ADCY9: variants seen among roughly 807,000 people sequenced by gnomAD.
ADCY9 encodes the protein adenylate cyclase 9, also known as adenylate cyclase type 9.
A neutral mutation model predicts 101.5 loss-of-function variants in ADCY9; 50 were observed. The observed-to-expected ratio is 0.49, with a 90% CI of 0.39 to 0.62. The LOEUF (loss-of-function observed/expected upper bound fraction) is 0.62, where lower values mean the gene tolerates loss of function less well. ADCY9 is among the 20% of genes least tolerant of loss of function. The pLI, the probability that ADCY9 is intolerant of heterozygous loss-of-function variation, is 0.00. For synonymous variants in ADCY9, 905 were observed against 769.3 expected (o/e 1.18, Z -2.92); for missense variants, 1,662 against 1,800.4 (o/e 0.92, Z 1.39).
At chr16:4,042,170 A>G (rs112302755) in intron 2 of ADCY9, among the ~76,000 whole-genome samples, 4,979 of 151,772 alleles carry the variant, frequency 0.033, 286 homozygotes, top group African/African-American at 0.11. Flanking sequence ...TGATCCATCC[A>G]CCTCAGCCTC....
intron 2 of ADCY9, among the ~76,000 whole-genome samples, chr16:4,110,401 T>TTG (rs2057106570): frequency 6.8e-6 from 1 of 146,410 alleles, no homozygotes. Flanking sequence ...TTTTTTTTTT[T>TTG]TGAGACGCAG....
chr16:4,000,992 CACACACACACACACACAT>C (rs1170898052), intron 3 of ADCY9, among the ~76,000 whole-genome samples: 1 of 149,546 alleles, frequency 6.7e-6, no homozygotes, highest in Admixed American at 6.7e-5. Context: ...CACACACACA[CACACACACACACACACAT>C]ATATAATTTC....
At chr16:3,960,966 G>A (rs2055934313), downstream of ADCY9, among the ~76,000 whole-genome samples, 1 of 151,834 alleles carries the variant, frequency 6.6e-6, no homozygotes, top group Admixed American at 6.6e-5. Context: ...CCCAGTACGC[G>A]GGATCTATTC....
chr16:4,010,128 G>C (rs2056393850), intron 2 of ADCY9, among the ~76,000 whole-genome samples: 1 of 152,226 alleles, frequency 6.6e-6, no homozygotes, highest in African/African-American at 2.4e-5. Flanking sequence ...TGTTGGCTCA[G>C]GGTGCCCCTG....
At chr16:4,033,142 G>C (rs2056567399) in intron 2 of ADCY9, among the ~76,000 whole-genome samples, 2 of 152,130 alleles carry the variant, frequency 1.3e-5, no homozygotes, top group Non-Finnish European at 2.9e-5. Flanking sequence ...CTGCCTTCCA[G>C]GGTAAAAATT....
chr16:4,044,197 A>G (rs575827350), intron 2 of ADCY9, among the ~76,000 whole-genome samples: 3 of 152,028 alleles, frequency 2.0e-5, no homozygotes, highest in African/African-American at 7.2e-5. Context: ...AAATACAAAA[A>G]TTAGCCAGGT....
intron 3 of ADCY9, among the ~76,000 whole-genome samples, chr16:4,003,641 T>C (rs1336726615): frequency 6.7e-6 from 1 of 150,282 alleles, no homozygotes; most frequent in Non-Finnish European, 1.5e-5. Context: ...CACAGCTCAC[T>C]GCAGCCTCTA....
chr16:3,990,862 C>T (rs1420797003), intron 5 of ADCY9, among the ~76,000 whole-genome samples: 1 of 152,214 alleles, frequency 6.6e-6, no homozygotes, highest in Non-Finnish European at 1.5e-5. Flanking sequence ...TGCAGTGCTG[C>T]GATCTCAGCT....
At chr16:4,062,057 G>A (rs1475910811) in intron 2 of ADCY9, among the ~76,000 whole-genome samples, 3 of 152,142 alleles carry the variant, frequency 2.0e-5, no homozygotes, top group Non-Finnish European at 2.9e-5. Flanking sequence ...AGTGGCTCAT[G>A]CCTGTAATCC....
At chr16:4,103,047 T>G (rs1034265264) in intron 2 of ADCY9, among the ~76,000 whole-genome samples, 5 of 152,236 alleles carry the variant, frequency 3.3e-5, no homozygotes, top group African/African-American at 1.2e-4. Flanking sequence ...TCACACACTT[T>G]GAACATGAGC....
At chr16:4,085,085 G>A (rs1358714917) in intron 2 of ADCY9, among the ~76,000 whole-genome samples, 2 of 152,176 alleles carry the variant, frequency 1.3e-5, no homozygotes, top group Non-Finnish European at 1.5e-5. Context: ...CTGGAAGCTG[G>A]ACGCAGTGGC....
intron 2 of ADCY9, among the ~76,000 whole-genome samples, chr16:4,080,787 T>C (rs1016595621): frequency 2.0e-5 from 3 of 151,174 alleles, no homozygotes; most frequent in African/African-American, 4.9e-5. Context: ...CAAGGTCCCG[T>C]AGAGAGCACT....
At chr16:4,011,871 C>T (rs1450693051) in intron 2 of ADCY9, among the ~76,000 whole-genome samples, 2 of 152,132 alleles carry the variant, frequency 1.3e-5, no homozygotes, top group African/African-American at 2.4e-5. Flanking sequence ...TCTCAGTTTC[C>T]TCATCTCTAA....
intron 5 of ADCY9, among the ~76,000 whole-genome samples, chr16:3,956,508 G>T (rs1467915578): frequency 3.3e-4 from 2 of 6,102 alleles, no homozygotes; most frequent in African/African-American, 9.7e-4. Context: ...TTTTTTGGGG[G>T]GGGATGGAGT....
At chr16:4,053,332 G>A (rs2056713895) in intron 2 of ADCY9, among the ~76,000 whole-genome samples, 1 of 152,204 alleles carries the variant, frequency 6.6e-6, no homozygotes, top group Non-Finnish European at 1.5e-5. Flanking sequence ...GTTTGGAATG[G>A]AATCCTGGAG....
chr16:4,043,626 G>T (rs1233535022), intron 2 of ADCY9, among the ~76,000 whole-genome samples: 1 of 152,046 alleles, frequency 6.6e-6, no homozygotes, highest in African/African-American at 2.4e-5. Flanking sequence ...AGAGGCAGAG[G>T]TTGCAGTGAA....
intron 3 of ADCY9, among the ~76,000 whole-genome samples, chr16:3,994,214 T>C (rs1361687054): frequency 6.6e-6 from 1 of 152,100 alleles, no homozygotes; most frequent in African/African-American, 2.4e-5. Flanking sequence ...GAAGGCACCA[T>C]CTGTGAAGCA....
chr16:3,995,788 G>C (rs995067324), intron 3 of ADCY9, among the ~76,000 whole-genome samples: 1 of 152,040 alleles, frequency 6.6e-6, no homozygotes, highest in Non-Finnish European at 1.5e-5. Flanking sequence ...TTAAATAAAA[G>C]AAACAAAGAT....
At chr16:4,088,278 A>G (rs561694167) in intron 2 of ADCY9, among the ~76,000 whole-genome samples, 1 of 152,034 alleles carries the variant, frequency 6.6e-6, no homozygotes, top group African/African-American at 2.4e-5. Flanking sequence ...ACTGATGGAA[A>G]TGAAGATTCT....
Sources: allele counts gnomAD v4.1 joint callset (sites outside exome capture counted in the v4.1 genomes callset), GRCh38; gene constraint gnomAD v4.1.1; transcripts MANE v1.5; gene names NCBI Gene and HGNC (gene_info 2026-07-23, HGNC 2026-07-21).